The following SOX5 variants were observed in gnomAD, a reference collection of about 807,000 sequenced individuals.
SOX5 encodes the protein SRY-box transcription factor 5.
SOX5 carries 9 observed loss-of-function variants against 92.0 expected under a neutral mutation model. The observed-to-expected ratio is 0.10, with a 90% confidence interval of 0.06 to 0.17. SOX5 has a LOEUF of 0.17. Among genes scored for constraint, SOX5 ranks in the 10% least tolerant of loss-of-function variants. The probability of loss-of-function intolerance (pLI) is 1.00; values close to 1 mark genes in which losing one functional copy is unlikely to be tolerated. For missense variants in SOX5, 642 were observed against 944.5 expected (o/e 0.68, Z 4.20); for synonymous variants, 344 against 336.3 (o/e 1.02, Z -0.25).
At chr12:24,002,196 G>A (rs943359161) in intron 4 of SOX5, among the ~76,000 whole-genome samples, 2 of 151,976 alleles carry the variant, frequency 1.3e-5, no homozygotes, top group African/African-American at 2.4e-5. Flanking sequence ...CAGGAAATAA[G>A]AAAGATCAGA....
chr12:24,146,520 C>T (rs1337895403), intron 4 of SOX5, among the ~76,000 whole-genome samples: 1 of 151,960 alleles, frequency 6.6e-6, no homozygotes, highest in African/African-American at 2.4e-5. Context: ...AATGTCTATA[C>T]TATTTTTTTA....
intron 4 of SOX5, among the ~76,000 whole-genome samples, chr12:24,184,003 T>A (rs768103677): frequency 6.6e-6 from 1 of 152,148 alleles, no homozygotes; most frequent in African/African-American, 2.4e-5. Context: ...TTACTAACAA[T>A]ATATAATTTC....
intron 6 of SOX5, among the ~76,000 whole-genome samples, chr12:23,708,711 T>G (rs1018277997): frequency 2.6e-5 from 4 of 152,074 alleles, no homozygotes; most frequent in Admixed American, 2.6e-4. Flanking sequence ...ACATAAGGAA[T>G]ATCATAAAGG....
intron 2 of SOX5, among the ~76,000 whole-genome samples, chr12:23,855,367 A>T (rs1261931230): frequency 1.3e-5 from 2 of 152,096 alleles, no homozygotes; most frequent in East Asian, 3.8e-4. Flanking sequence ...TTCAATTTTC[A>T]AATTTCACAG....
chr12:23,696,851 T>C (rs1353967852), intron 6 of SOX5, among the ~76,000 whole-genome samples: 2 of 152,196 alleles, frequency 1.3e-5, no homozygotes, highest in Non-Finnish European at 2.9e-5. Context: ...CTTTGACCCA[T>C]GAGTTATTTT....
chr12:23,753,678 G>A (rs1397703574), intron 4 of SOX5, among the ~76,000 whole-genome samples: 3 of 151,488 alleles, frequency 2.0e-5, no homozygotes, highest in Admixed American at 6.6e-5. Context: ...AAACAACTAC[G>A]CCACTGTTCT....
chr12:23,975,884 A>G (rs1948833818), intron 4 of SOX5, among the ~76,000 whole-genome samples: 1 of 152,226 alleles, frequency 6.6e-6, no homozygotes, highest in Non-Finnish European at 1.5e-5. Flanking sequence ...CTGGCAGATT[A>G]TCCTTCTTAA....
intron 4 of SOX5, among the ~76,000 whole-genome samples, chr12:24,012,864 AC>A (rs1389301641): frequency 6.6e-6 from 1 of 152,170 alleles, no homozygotes; most frequent in African/African-American, 2.4e-5. Context: ...GAACTACCAA[AC>A]ACTTCCTAAA....
intron 2 of SOX5, among the ~76,000 whole-genome samples, chr12:23,868,952 C>T (rs574223555): frequency 2.6e-5 from 4 of 152,226 alleles, no homozygotes; most frequent in African/African-American, 9.6e-5. Context: ...CAAGGCCCCC[C>T]AGAATCTGCC....
chr12:24,525,891 A>G (rs1489696279), intron 1 of SOX5, among the ~76,000 whole-genome samples: 1 of 151,898 alleles, frequency 6.6e-6, no homozygotes, highest in Non-Finnish European at 1.5e-5. Context: ...TATGAAGAAA[A>G]CAGAAGCCAG....
chr12:24,245,348 C>T (rs1255189993), intron 3 of SOX5, among the ~76,000 whole-genome samples: 1 of 132,866 alleles, frequency 7.5e-6, no homozygotes, highest in Non-Finnish European at 1.6e-5. Context: ...AGAAATATTT[C>T]TGAATGAGTT....
At chr12:23,627,350 T>A (rs1363713262) in intron 8 of SOX5, among the ~76,000 whole-genome samples, 1 of 152,158 alleles carries the variant, frequency 6.6e-6, no homozygotes, top group African/African-American at 2.4e-5. Flanking sequence ...TCTGCTTGCA[T>A]TAAATATGAG....
At chr12:23,719,287 T>C (rs2092679731) in intron 6 of SOX5, among the ~76,000 whole-genome samples, 1 of 152,210 alleles carries the variant, frequency 6.6e-6, no homozygotes, top group Non-Finnish European at 1.5e-5. Context: ...TTTGTTTACA[T>C]GTATTAACAT....
In SOX5 at chr12:23,819,337, T is replaced by A. The variant is rs80200552; in HGVS notation, c.481+26646A>T. On this transcript the variant is annotated intron_variant, in intron 3 of 14. Transcript: ENST00000451604. Reference sequence around the variant, plus strand: ...AATGAAATGTCATGTGGCACTTGACTGTACTTTCTTTGTGTAAAAACTTGT... The same window carrying A: ...AATGAAATGTCATGTGGCACTTGACAGTACTTTCTTTGTGTAAAAACTTGT... Among the ~76,000 whole-genome samples, 974 of 152,330 alleles carry A rather than the reference T, an allele frequency of 6.4e-3. 4 individuals carry two copies. Among genetic ancestry groups the A allele is most frequent in the Non-Finnish European group, 9.4e-3 (640 of 68,024 alleles).
intron 13 of SOX5, among the ~76,000 whole-genome samples, chr12:23,540,580 C>T (rs1198658800): frequency 1.3e-5 from 2 of 152,008 alleles, no homozygotes; most frequent in East Asian, 3.9e-4. Context: ...TTGTCATCTC[C>T]GTGGGGTCTG....
chr12:23,542,440 CT>C (rs146709076), intron 13 of SOX5, among the ~76,000 whole-genome samples: 1 of 152,044 alleles, frequency 6.6e-6, no homozygotes, highest in South Asian at 2.1e-4. Context: ...ATGGAATCTT[CT>C]TTTTTTCTTT....
chr12:24,536,193 C>A (rs1192677988), intron 1 of SOX5, among the ~76,000 whole-genome samples: 1 of 152,184 alleles, frequency 6.6e-6, no homozygotes, highest in Non-Finnish European at 1.5e-5. Flanking sequence ...TTCAGGTGAG[C>A]TTGCAATAAG....
intron 4 of SOX5, among the ~76,000 whole-genome samples, chr12:24,054,940 C>A (rs187834438): frequency 1.3e-5 from 2 of 151,996 alleles, no homozygotes; most frequent in Non-Finnish European, 2.9e-5. Flanking sequence ...CGCGTGGAAA[C>A]TGAGCAAATG....
chr12:23,814,677 A>T (rs1307661457), intron 3 of SOX5, among the ~76,000 whole-genome samples: 2 of 152,224 alleles, frequency 1.3e-5, no homozygotes, highest in Non-Finnish European at 2.9e-5. Flanking sequence ...CATTTAGAAA[A>T]ACTGGGAAAG....
Sources: gnomAD v4.1 joint callset for allele counts (sites outside exome capture counted in the v4.1 genomes callset) on GRCh38, gnomAD v4.1.1 for gene constraint, MANE v1.5 for transcripts, NCBI Gene and HGNC (gene_info 2026-07-23, HGNC 2026-07-21) for gene names.